LAMB4: variants seen among roughly 807,000 people sequenced by gnomAD.
LAMB4 encodes the protein laminin subunit beta 4, also known as laminin subunit beta-4.
A neutral mutation model predicts 199.2 loss-of-function variants in LAMB4; 196 were observed. The ratio of observed to expected loss-of-function variants is 0.98; its 90% confidence interval spans 0.88 to 1.11. The LOEUF is 1.11. LAMB4 is among the 50% of genes least tolerant of loss of function. The probability of loss-of-function intolerance (pLI) is 0.00; values close to 1 mark genes in which losing one functional copy is unlikely to be tolerated. For missense variants in LAMB4, 2,080 were observed against 2,171.2 expected (o/e 0.96, Z 0.83); for synonymous variants, 744 against 770.6 (o/e 0.97, Z 0.57).
At chr7:108,106,081 C>A in intron 7 of LAMB4, 50 bp from the exon 8 acceptor site, 2 of 1,363,166 alleles carry the variant, frequency 1.5e-6, no homozygotes, top group Non-Finnish European at 1.0e-6. Context: ...TGCATCAGTT[C>A]AAGGGACTCT....
intron 14 of LAMB4, among the ~76,000 whole-genome samples, chr7:108,086,558 G>A (rs549060900): frequency 1.3e-5 from 2 of 152,066 alleles, no homozygotes; most frequent in Non-Finnish European, 2.9e-5. Flanking sequence ...TTATTAACTG[G>A]CATGGCCCGC....
intron 29 of LAMB4, among the ~76,000 whole-genome samples, chr7:108,038,658 G>A (rs1189028746): frequency 6.6e-6 from 1 of 152,168 alleles, no homozygotes; most frequent in Non-Finnish European, 1.5e-5. Context: ...GATTTTTTGT[G>A]TGTGATTTTA....
At chr7:108,065,705 T>C in intron 21 of LAMB4, 57 bp downstream of exon 21, 1 of 1,408,122 alleles carries the variant, frequency 7.1e-7, no homozygotes, top group South Asian at 1.3e-5. Flanking sequence ...ATGATCATTT[T>C]ACAGATTACA....
intron 3 of LAMB4, among the ~76,000 whole-genome samples, chr7:108,112,650 A>T (rs2038272839): frequency 6.6e-6 from 1 of 152,168 alleles, no homozygotes; most frequent in Admixed American, 6.6e-5. Context: ...GAGTTTGCTT[A>T]ATTTAATGCA....
In LAMB4 at chr7:108,052,145, G is replaced by A; in HGVS notation, c.3868C>T (p.Gln1290Ter). ...CTGGATTGCAAATCAATTTCTTCCT[G>A]AAGGTCTTCAAGTAAGAGGTCTGCT... ...NEADLLLEDL[Q>*]EEIDLQSSVL... Residue 1290 changes from glutamine (Q) to a stop codon, truncating the protein, a stop_gained, in exon 26 of 34, where the codon CAG becomes TAG. Transcript: ENST00000388781. LOFTEE classifies it high-confidence loss of function. 1.2e-6 allele frequency: 2 copies of A among 1,612,412 alleles called. No individual in the cohort carries two copies. The highest frequency in any genetic ancestry group is 1.7e-6 in the Non-Finnish European group (2 of 1,179,284).
At chr7:108,065,664 C>T (rs1264335146) in intron 21 of LAMB4, 98 bp downstream of exon 21, 2 of 950,142 alleles carry the variant, frequency 2.1e-6, no homozygotes, top group African/African-American at 1.7e-5. Context: ...CTGCACCACA[C>T]ATTTGTCCAA....
Position 108,030,991 on chromosome 7 carries a change from T to C in LAMB4, c.4819-12A>G. 6.2e-7 allele frequency: 1 copy of C among 1,608,448 alleles called. No individual in the cohort carries two copies. The highest frequency in any genetic ancestry group is 8.5e-7 in the Non-Finnish European group (1 of 1,177,184). On this transcript the variant is annotated splice_polypyrimidine_tract_variant and intron_variant, in intron 31 of 33. Coordinates refer to ENST00000388781, the MANE Select transcript of LAMB4 (RefSeq NM_007356.3). ...GTTTGATTTTCAGCCTGTTGTTGATTTAAAGACCAAAAAGGGAAAATCTCT... is the reference window on the plus strand; with the variant it reads ...GTTTGATTTTCAGCCTGTTGTTGATCTAAAGACCAAAAAGGGAAAATCTCT...
chr7:108,027,072 A>T (rs913990382), intron 33 of LAMB4, among the ~76,000 whole-genome samples: 1 of 152,176 alleles, frequency 6.6e-6, no homozygotes, highest in African/African-American at 2.4e-5. Flanking sequence ...CATAAACAAT[A>T]TGACATAAAA....
chr7:108,086,083 C>A (rs1441305021), intron 14 of LAMB4, among the ~76,000 whole-genome samples: 1 of 152,138 alleles, frequency 6.6e-6, no homozygotes, highest in Non-Finnish European at 1.5e-5. Context: ...TTCTTTTGGG[C>A]CTTGCTGTTG....
chr7:108,068,232 T>C, intron 18 of LAMB4, 73 bp from the exon 19 acceptor site: 2 of 1,492,446 alleles, frequency 1.3e-6, no homozygotes, highest in Non-Finnish European at 1.8e-6. Context: ...TTAGTAGCTA[T>C]AGTTCACCTC....
chr7:108,106,196 T>C (rs540734274), intron 7 of LAMB4, among the ~76,000 whole-genome samples, 165 bp from the exon 8 acceptor site: 100 of 152,214 alleles, frequency 6.6e-4, no homozygotes, highest in Non-Finnish European at 1.3e-3. Context: ...GGCAGGAGGA[T>C]CCCTTGAGCT....
At chr7:108,126,732 T>C (rs1230548928) in intron 1 of LAMB4, among the ~76,000 whole-genome samples, 5 of 137,568 alleles carry the variant, frequency 3.6e-5, no homozygotes, top group Non-Finnish European at 6.1e-5. Flanking sequence ...GCCCGACTAA[T>C]TTTTTTTTTG....
chr7:108,129,933 T>C (rs1289443295), intron 1 of LAMB4, among the ~76,000 whole-genome samples: 1 of 152,248 alleles, frequency 6.6e-6, no homozygotes, highest in African/African-American at 2.4e-5. Context: ...GTAGTTCTAA[T>C]GCATTTAAAC....
At chr7:108,097,599 C>A (rs1295397245) in intron 11 of LAMB4, among the ~76,000 whole-genome samples, 3 of 152,320 alleles carry the variant, frequency 2.0e-5, no homozygotes, top group African/African-American at 7.2e-5. Context: ...TCTTGGCTAA[C>A]ACGGTGAAAC....
At chr7:108,041,309 T>C (rs2035413890) in intron 29 of LAMB4, among the ~76,000 whole-genome samples, 1 of 152,200 alleles carries the variant, frequency 6.6e-6, no homozygotes, top group South Asian at 2.1e-4. Context: ...GGGTGTAAAT[T>C]AATTCAACCA....
Position 108,109,222 on chromosome 7 carries a change from T to A in LAMB4, c.351A>T (p.Arg117Ser), listed in dbSNP as rs1340093985. The stretch of plus-strand genomic sequence containing the variant: ...ACCGAAATAATGCCTCTAAGTCCAG[T>A]CTGATGCTGACATGATCAAGACCTA... ...SENGLDHVSI[R>S]LDLEALFRFS... Residue 117 changes from arginine to serine, a missense_variant, in exon 5 of 34, where the codon AGA becomes AGT. Arg to Ser is a moderately radical substitution (Grantham distance 110, BLOSUM62 -1). Transcript: ENST00000388781. 6.2e-7 allele frequency: 1 copy of A among 1,613,512 alleles called. No homozygotes were observed. Among genetic ancestry groups the A allele is most frequent in the African/African-American group, 1.3e-5 (1 of 75,030 alleles).
intron 31 of LAMB4, among the ~76,000 whole-genome samples, chr7:108,031,331 C>CAAAAAAAAAAAAAAA (rs60572529): frequency 1.8e-3 from 25 of 14,264 alleles, no homozygotes; most frequent in South Asian, 7.3e-3. Flanking sequence ...TCAACAATAA[C>CAAAAAAAAAAAAAAA]AAAAAAAAAA....
At chr7:108,034,460 T>C (rs914401848) in intron 30 of LAMB4, 114 bp from the exon 31 acceptor site, 4 of 786,896 alleles carry the variant, frequency 5.1e-6, no homozygotes, top group Non-Finnish European at 8.1e-6. Context: ...TTAAGTAAAT[T>C]TAAATTACTC....
rs947342220 is a variant in LAMB4, at chr7:108,072,839, T to G, written c.2125-2954A>C. ...TTGATATGAAAATGACTCTGTGCTCTCCAAACACAAACCAAGTGGGGAGAG... is the reference window on the plus strand; with the variant it reads ...TTGATATGAAAATGACTCTGTGCTCGCCAAACACAAACCAAGTGGGGAGAG... On this transcript the variant is annotated intron_variant, in intron 17 of 33. Coordinates refer to ENST00000388781, the MANE Select transcript of LAMB4 (RefSeq NM_007356.3). 5.9e-5 allele frequency among the ~76,000 whole-genome samples: 9 copies of G among 152,284 alleles called. No homozygotes were observed. The East Asian group carries it at 1.7e-3, about 29-fold the overall frequency.
Sources: gnomAD v4.1 joint callset for allele counts (sites outside exome capture counted in the v4.1 genomes callset) on GRCh38, gnomAD v4.1.1 for gene constraint, MANE v1.5 for transcripts, NCBI Gene and HGNC (gene_info 2026-07-23, HGNC 2026-07-21) for gene names.